GREB1L: variants seen among roughly 807,000 people sequenced by gnomAD.
GREB1L encodes GREB1-like protein.
GREB1L carries 17 observed loss-of-function variants against 200.8 expected under a neutral mutation model. The observed-to-expected ratio is 0.08, with a 90% CI of 0.06 to 0.13. The LOEUF (loss-of-function observed/expected upper bound fraction) is 0.13. Among genes scored for constraint, GREB1L ranks in the 10% least tolerant of loss-of-function variants. GREB1L has a pLI of 1.00. For missense variants in GREB1L, 1,657 were observed against 2,367.7 expected (o/e 0.70, Z 6.23); for synonymous variants, 789 against 893.0 (o/e 0.88, Z 2.08).
intron 1 of GREB1L, among the ~76,000 whole-genome samples, chr18:21,321,114 T>C (rs1402554570): frequency 6.8e-6 from 1 of 147,464 alleles, no homozygotes; most frequent in East Asian, 2.1e-4. Flanking sequence ...GCCAACATAG[T>C]GAAACCCTGT....
intron 7 of GREB1L, among the ~76,000 whole-genome samples, chr18:21,415,749 T>A (rs1386756987): frequency 2.0e-5 from 3 of 152,102 alleles, no homozygotes; most frequent in Non-Finnish European, 4.4e-5. Flanking sequence ...CTTAGGAAGG[T>A]CTTGTCTCAG....
At chr18:21,450,019 T>G (rs2034441825) in intron 12 of GREB1L, among the ~76,000 whole-genome samples, 183 bp downstream of exon 12, 2 of 152,162 alleles carry the variant, frequency 1.3e-5, no homozygotes, top group African/African-American at 2.4e-5. Flanking sequence ...TGTGTAGCCC[T>G]CAGTTTGGCT....
intron 4 of GREB1L, among the ~76,000 whole-genome samples, chr18:21,394,347 T>C (rs918545496): frequency 6.6e-6 from 1 of 152,214 alleles, no homozygotes; most frequent in Non-Finnish European, 1.5e-5. Context: ...CCCAGAAGAT[T>C]TGCAGCAGAA....
chr18:21,252,858 C>A (rs1465844301), intron 1 of GREB1L, among the ~76,000 whole-genome samples: 3 of 152,124 alleles, frequency 2.0e-5, no homozygotes, highest in African/African-American at 7.2e-5. Context: ...GACTGTCCCT[C>A]CCCACCCCCC....
intron 1 of GREB1L, among the ~76,000 whole-genome samples, chr18:21,347,601 G>C (rs898648863): frequency 1.4e-5 from 2 of 145,618 alleles, no homozygotes; most frequent in Non-Finnish European, 3.0e-5. Context: ...GATTACAGGA[G>C]CTTGCCACCA....
chr18:21,353,977 C>T (rs1209898952), intron 1 of GREB1L, among the ~76,000 whole-genome samples: 1 of 152,014 alleles, frequency 6.6e-6, no homozygotes, highest in African/African-American at 2.4e-5. Flanking sequence ...TTGGTATAGA[C>T]AGGGTTTTAC....
chr18:21,369,948 C>CAAAAAAAAAAAAAAAAAAAAA (rs201252099), intron 2 of GREB1L, among the ~76,000 whole-genome samples: 1 of 87,902 alleles, frequency 1.1e-5, no homozygotes. Flanking sequence ...GACTCCATCT[C>CAAAAAAAAAAAAAAAAAAAAA]AAAAAAAAAA....
At chr18:21,270,128 G>T (rs748773193) in intron 1 of GREB1L, among the ~76,000 whole-genome samples, 5 of 152,140 alleles carry the variant, frequency 3.3e-5, no homozygotes, top group Non-Finnish European at 2.9e-5. Context: ...GTACTTTGGA[G>T]ATTGATGAAA....
chr18:21,393,495 A>T (rs112324210), intron 4 of GREB1L, among the ~76,000 whole-genome samples: 1 of 152,096 alleles, frequency 6.6e-6, no homozygotes, highest in African/African-American at 2.4e-5. Flanking sequence ...TTGTTTTTTG[A>T]GACAGAGCCT....
chr18:21,243,560 G>A (rs905236376), intron 1 of GREB1L, among the ~76,000 whole-genome samples: 1 of 152,176 alleles, frequency 6.6e-6, no homozygotes, highest in Non-Finnish European at 1.5e-5. Flanking sequence ...TTTAAATACA[G>A]GGAAGAGCTT....
chr18:21,334,933 T>G (rs1364473459), intron 1 of GREB1L, among the ~76,000 whole-genome samples: 1 of 152,210 alleles, frequency 6.6e-6, no homozygotes, highest in Non-Finnish European at 1.5e-5. Context: ...TATAGCCAGT[T>G]ACAGAAAATG....
intron 20 of GREB1L, 26 bp from the exon 21 acceptor site, chr18:21,496,428 C>A (rs2036547704): frequency 1.0e-5 from 16 of 1,551,086 alleles, no homozygotes; most frequent in Non-Finnish European, 1.3e-5. Flanking sequence ...GATAGACTCA[C>A]CAACAACACA....
rs1220475052 is a variant in GREB1L at position 21,508,839 on chromosome 18, TGAGCA to T, written c.4735+249_4735+253del. On this transcript the variant is annotated intron_variant, in intron 27 of 32. Transcript: ENST00000424526. ...ATTAAGGAAGAAGTCACTGGTGTAC[TGAGCA>T]CCCTGGGAAGGTTTGGGATTCTTCC... is the stretch of plus-strand genomic sequence containing the variant. 11 of 520,356 alleles carry T rather than the reference TGAGCA, an allele frequency of 2.1e-5. No homozygotes were observed. In the East Asian group the frequency reaches 2.5e-4, roughly 12 times the overall value. The allele number at this position is 520,356 out of a possible 1,614,324, so 32.2% of individuals were successfully genotyped here.
At chr18:21,434,169 C>T (rs2033357396) in intron 7 of GREB1L, among the ~76,000 whole-genome samples, 1 of 151,972 alleles carries the variant, frequency 6.6e-6, no homozygotes, top group South Asian at 2.1e-4. Flanking sequence ...GAGATAAATA[C>T]ATCTCATTAA....
At chr18:21,433,060 C>T (rs1458542798) in intron 7 of GREB1L, among the ~76,000 whole-genome samples, 2 of 152,158 alleles carry the variant, frequency 1.3e-5, no homozygotes, top group Non-Finnish European at 2.9e-5. Context: ...ACCACCATGA[C>T]CTATCACCCA....
chr18:21,517,972 T>C lies in GREB1L; in HGVS notation c.5272-62T>C, dbSNP rs1395173184. ...GACTGTTAGGATACACTTCAGTGTT[T>C]CCTCACCTGTTTAATCCAGTGACAG... On this transcript the variant is annotated intron_variant, in intron 30 of 32. Transcript: ENST00000424526. 6.9e-6 allele frequency: 9 copies of C among 1,295,526 alleles called. No homozygotes were observed. The East Asian group carries it at 2.3e-4, about 33-fold the overall frequency. The allele number at this position is 1,295,526 out of a possible 1,614,324, so 80.3% of individuals were successfully genotyped here.
chr18:21,450,578 G>A (rs1010280762), intron 12 of GREB1L: 2 of 152,668 alleles, frequency 1.3e-5, no homozygotes, highest in African/African-American at 2.4e-5. Context: ...TATTTTTAAA[G>A]CAAATTCATT....
chr18:21,268,556 C>CATAT (rs2038019099), intron 1 of GREB1L, among the ~76,000 whole-genome samples: 15 of 95,726 alleles, frequency 1.6e-4, no homozygotes, highest in South Asian at 3.3e-4. Flanking sequence ...CACACACACA[C>CATAT]ACACATATAT....
chr18:21,386,593 C>T (rs1318832290), intron 4 of GREB1L, among the ~76,000 whole-genome samples: 4 of 115,178 alleles, frequency 3.5e-5, no homozygotes, highest in African/African-American at 1.1e-4. Flanking sequence ...TGGCCAGTAG[C>T]TTTTTTTTTT....
Sources: gnomAD v4.1 joint callset for allele counts (sites outside exome capture counted in the v4.1 genomes callset) on GRCh38, gnomAD v4.1.1 for gene constraint, MANE v1.5 for transcripts, NCBI Gene and HGNC (gene_info 2026-07-23, HGNC 2026-07-21) for gene names.